The following AMBRA1 variants were observed in gnomAD, a reference collection of about 807,000 sequenced individuals.
AMBRA1 encodes autophagy and beclin 1 regulator 1.
Under a neutral mutation model 125.4 loss-of-function variants are expected in AMBRA1, and 47 were observed. The observed-to-expected ratio is 0.37, with a 90% CI of 0.30 to 0.48. The LOEUF (loss-of-function observed/expected upper bound fraction) is 0.48. Ranked by LOEUF, AMBRA1 falls within the 20% of genes least tolerant of loss-of-function variation. The pLI is 0.99. For missense variants in AMBRA1, 1,331 were observed against 1,693.4 expected (o/e 0.79, Z 3.76); for synonymous variants, 626 against 655.5 (o/e 0.95, Z 0.69).
At chr11:46,452,144 C>T (rs1218448473) in intron 11 of AMBRA1, among the ~76,000 whole-genome samples, 1 of 151,992 alleles carries the variant, frequency 6.6e-6, no homozygotes, top group Non-Finnish European at 1.5e-5. Context: ...TAAGAAAACA[C>T]TATTCAAATA....
chr11:46,547,695 A>G, intron 3 of AMBRA1, 122 bp downstream of exon 3: 1 of 930,992 alleles, frequency 1.1e-6, no homozygotes, highest in Non-Finnish European at 1.6e-6. Context: ...ACACGGGGCC[A>G]AAGTGCTGTT....
intron 14 of AMBRA1, among the ~76,000 whole-genome samples, chr11:46,420,063 T>C (rs993141761): frequency 1.5e-5 from 2 of 137,758 alleles, no homozygotes; most frequent in Admixed American, 7.4e-5. Context: ...CCCAGGTAGC[T>C]AAATGGTACT....
intron 1 of AMBRA1, among the ~76,000 whole-genome samples, chr11:46,566,146 C>T (rs529253246): frequency 4.6e-5 from 7 of 152,168 alleles, no homozygotes; most frequent in Admixed American, 2.6e-4. Flanking sequence ...TTGGTCAGGG[C>T]GCTAGCTCAC....
At chr11:46,417,154 C>T (rs1486303213) in intron 15 of AMBRA1, among the ~76,000 whole-genome samples, 1 of 151,960 alleles carries the variant, frequency 6.6e-6, no homozygotes, top group Non-Finnish European at 1.5e-5. Context: ...CAGGTTCAAG[C>T]GATTCCCCTG....
intron 15 of AMBRA1, among the ~76,000 whole-genome samples, chr11:46,412,813 G>A (rs926497535): frequency 1.3e-5 from 2 of 152,168 alleles, no homozygotes; most frequent in East Asian, 1.9e-4. Flanking sequence ...AGAGGTAAAT[G>A]GCCAGAAGTA....
At chr11:46,398,266 G>A (rs1945552261) in intron 17 of AMBRA1, among the ~76,000 whole-genome samples, 1 of 152,230 alleles carries the variant, frequency 6.6e-6, no homozygotes, top group South Asian at 2.1e-4. Context: ...CGAGAAGGCA[G>A]GTTCAGACAG....
At chr11:46,569,442 T>A (rs11038921) in intron 1 of AMBRA1, among the ~76,000 whole-genome samples, 58,437 of 117,314 alleles carry the variant, frequency 0.5, 13,803 homozygotes, top group Non-Finnish European at 0.57. Flanking sequence ...AAAAAAAAAA[T>A]ATATATATAT....
intron 7 of AMBRA1, among the ~76,000 whole-genome samples, chr11:46,533,873 C>T (rs1218981412): frequency 6.6e-6 from 1 of 151,948 alleles, no homozygotes; most frequent in Non-Finnish European, 1.5e-5. Flanking sequence ...TCTTCTATCA[C>T]TCCATCCCTT....
chr11:46,560,199 T>C (rs988143428), intron 1 of AMBRA1, among the ~76,000 whole-genome samples: 2 of 152,160 alleles, frequency 1.3e-5, no homozygotes, highest in Non-Finnish European at 2.9e-5. Context: ...AAATAAACTG[T>C]CAACAGACAG....
chr11:46,546,033 C>CATT, intron 4 of AMBRA1: 1 of 138,710 alleles, frequency 7.2e-6, no homozygotes, highest in Non-Finnish European at 1.5e-5. Context: ...GTTCCTATTT[C>CATT]TTTTTTTTTT....
intron 1 of AMBRA1, among the ~76,000 whole-genome samples, chr11:46,569,441 ATAT>A (rs1296191315): frequency 0.022 from 2,585 of 119,468 alleles, 67 homozygotes; most frequent in African/African-American, 0.069. Context: ...AAAAAAAAAA[ATAT>A]ATATATATAT....
intron 11 of AMBRA1, among the ~76,000 whole-genome samples, chr11:46,467,161 C>T (rs1022175685): frequency 1.6e-4 from 25 of 152,108 alleles, no homozygotes; most frequent in Non-Finnish European, 1.0e-4. Flanking sequence ...AAGGGATCTG[C>T]CCACCTCAGC....
chr11:46,543,000 AG>A lies in AMBRA1; in HGVS notation c.1016del (p.Pro339LeufsTer27). The A allele has an allele frequency of 6.2e-7, 1 of 1,600,726 alleles. No individual in the cohort carries two copies. Among genetic ancestry groups the A allele is most frequent in the Non-Finnish European group, 8.5e-7 (1 of 1,179,908 alleles). ...GCTCGGTCTGTACAAAAGAAAAGGA[AG>A]GGGTAGTAGCTCTGGCAGAAGCAGG... Reference protein sequence around the residue: ...VPPASARATTPSFSFVQTEPF... With the variant: ...VPPASARATTXSFSFVQTEPF... On this transcript the variant is annotated frameshift_variant, in exon 7 of 18. Transcript: ENST00000683756. LOFTEE classifies it high-confidence loss of function. This position sits in a 1 kb window ranked among gnomAD's most constrained non-coding sequence, Gnocchi z 5.9.
Position 46,417,961 on chromosome 11 carries a change from C to T in AMBRA1, c.3068G>A (p.Gly1023Asp). The T allele has an allele frequency of 6.2e-7, 1 of 1,611,034 alleles. No homozygotes were observed. Among genetic ancestry groups the T allele is most frequent in the Non-Finnish European group, 8.5e-7 (1 of 1,177,802 alleles). ...TCCTTTGTTAGTACCATAGGCCAAG[C>T]CAAGCCCTGGCTCAGGCAGCCAACG... Reference protein sequence around the residue: ...SARWLPEPGLGLAYGTNKGDL... With the variant: ...SARWLPEPGLDLAYGTNKGDL... Residue 1023 changes from glycine (G) to aspartate (D), a missense_variant, in exon 15 of 18, where the codon GGC becomes GAC. By Grantham distance (94) the Gly-to-Asp change is moderately conservative. Around this residue, in one of 4 missense-constraint regions of AMBRA1, gnomAD observed 354 missense variants for 532.7 expected, o/e 0.66. Coordinates refer to ENST00000683756, the MANE Select transcript of AMBRA1 (RefSeq NM_001387011.1).
intron 17 of AMBRA1, among the ~76,000 whole-genome samples, chr11:46,401,667 C>T (rs1403593792): frequency 6.6e-6 from 1 of 152,224 alleles, no homozygotes; most frequent in East Asian, 1.9e-4. Flanking sequence ...TGCTGGCACT[C>T]AAGTCTGAGC....
At chr11:46,428,393 G>T (rs1207821615) in intron 14 of AMBRA1, among the ~76,000 whole-genome samples, 1 of 152,150 alleles carries the variant, frequency 6.6e-6, no homozygotes, top group Admixed American at 6.5e-5. Flanking sequence ...CCATGGAGAA[G>T]GGGGAGCAAA....
At chr11:46,562,764 ATAAAT>A (rs1428186445) in intron 1 of AMBRA1, among the ~76,000 whole-genome samples, 7 of 151,904 alleles carry the variant, frequency 4.6e-5, no homozygotes, top group African/African-American at 1.7e-4. Flanking sequence ...AATTTTTCCT[ATAAAT>A]TAATAGTATA....
chr11:46,459,232 G>A (rs543949962), intron 11 of AMBRA1, among the ~76,000 whole-genome samples: 6 of 152,202 alleles, frequency 3.9e-5, no homozygotes, highest in East Asian at 1.9e-4. Context: ...ATAAATATAC[G>A]TATGTTTTTT....
rs761978177 is a variant in AMBRA1, at chr11:46,543,310, C to T, written c.707G>A (p.Arg236Gln). 1.1e-5 allele frequency: 18 copies of T among 1,613,826 alleles called. No individual in the cohort carries two copies. The highest frequency in any genetic ancestry group is 4.4e-5 in the South Asian group (4 of 91,062). Residue 236 changes from arginine (R) to glutamine (Q), a missense_variant, in exon 7 of 18, where the codon CGG becomes CAG. Arg to Gln is a conservative substitution (Grantham distance 43). This residue lies in a region of AMBRA1 where 689 missense variants were observed against 776.5 expected (regional missense o/e 0.89). Coordinates refer to ENST00000683756, the MANE Select transcript of AMBRA1 (RefSeq NM_001387011.1). ...RALLQSQPVR[R>Q]TPLLHNFLHM... is the part of the protein sequence containing the mutation. ...CAGGAAATTGTGGAGGAGAGGCGTC[C>T]GGCGAACTGGCTGTGATTGCAGGAG...
Sources: gnomAD v4.1 joint callset for allele counts (sites outside exome capture counted in the v4.1 genomes callset) on GRCh38, gnomAD v4.1.1 for gene constraint, gnomAD v4.1.1 regional missense constraint, Gnocchi (gnomAD v3.1) non-coding constraint, MANE v1.5 for transcripts, NCBI Gene and HGNC (gene_info 2026-07-23, HGNC 2026-07-21) for gene names.